SPATA31H1: variants seen among roughly 807,000 people sequenced by gnomAD.
SPATA31H1 encodes spermatogenesis-associated protein 31H1.
chr2:27,578,317 T>G, the SPATA31H1 span: 2 of 1,614,156 alleles, frequency 1.2e-6, no homozygotes, highest in Non-Finnish European at 1.7e-6. Flanking sequence ...ACAGTGGAGT[T>G]GACAGGGTTT....
the SPATA31H1 span, among the ~76,000 whole-genome samples, chr2:27,553,464 T>G: frequency 6.6e-6 from 1 of 152,102 alleles, no homozygotes; most frequent in Admixed American, 6.5e-5. Flanking sequence ...ACACCTTTAG[T>G]GTTCTCTTTG....
chr2:27,538,533 G>A, the SPATA31H1 span, among the ~76,000 whole-genome samples: 5 of 152,036 alleles, frequency 3.3e-5, no homozygotes, highest in Admixed American at 2.6e-4. Flanking sequence ...AGAGTGGCAC[G>A]GTGAAAAAGA....
the SPATA31H1 span, among the ~76,000 whole-genome samples, chr2:27,556,725 T>A: frequency 8.2e-5 from 12 of 146,492 alleles, no homozygotes; most frequent in Admixed American, 2.7e-4. Context: ...ATTTTTTTTT[T>A]ATTGATCATT....
At chr2:27,569,261 T>A in the SPATA31H1 span, 2 of 398,952 alleles carry the variant, frequency 5.0e-6, no homozygotes, top group Non-Finnish European at 8.8e-6. Flanking sequence ...CACAGCCCCA[T>A]GATATGAAGT....
chr2:27,564,502 G>A, the SPATA31H1 span, among the ~76,000 whole-genome samples: 15 of 151,904 alleles, frequency 9.9e-5, no homozygotes, highest in East Asian at 1.9e-3. Context: ...ACTCTTTTTC[G>A]AGGAACTTAA....
chr2:27,576,961 C>A, the SPATA31H1 span: 1 of 1,614,014 alleles, frequency 6.2e-7, no homozygotes, highest in Non-Finnish European at 8.5e-7. Context: ...CATCAGTTTG[C>A]AAAATATGCA....
chr2:27,539,111 T>C, the SPATA31H1 span, among the ~76,000 whole-genome samples: 611 of 138,836 alleles, frequency 4.4e-3, 3 homozygotes, highest in African/African-American at 0.014. Context: ...CTTTTTTTTT[T>C]TTTTTTTTTT....
At chr2:27,582,489 A>G in the SPATA31H1 span, 12 of 1,611,968 alleles carry the variant, frequency 7.4e-6, no homozygotes, top group East Asian at 2.0e-4. Context: ...TAAAAATCCC[A>G]AAGCAGGGCA....
the SPATA31H1 span, among the ~76,000 whole-genome samples, chr2:27,545,028 T>TAA: frequency 2.4e-4 from 36 of 149,894 alleles, 2 homozygotes; most frequent in African/African-American, 8.4e-4. Flanking sequence ...AAGTCAAATT[T>TAA]TTTTTTTTTT....
At chr2:27,576,951 C>T in the SPATA31H1 span, 1 of 1,613,932 alleles carries the variant, frequency 6.2e-7, no homozygotes, top group Non-Finnish European at 8.5e-7. Context: ...TAGACCAGGG[C>T]ATCAGTTTGC....
the SPATA31H1 span, chr2:27,579,760 C>G: frequency 6.2e-7 from 1 of 1,614,182 alleles, no homozygotes. Context: ...ATTTCTGAGT[C>G]CCAACACTCC....
At chr2:27,570,086 C>A in the SPATA31H1 span, 1 of 398,740 alleles carries the variant, frequency 2.5e-6, no homozygotes, top group African/African-American at 2.1e-5. Context: ...TGGAACTAAG[C>A]CCAGGACTAT....
At chr2:27,555,389 G>GTTT in the SPATA31H1 span, among the ~76,000 whole-genome samples, 2 of 151,862 alleles carry the variant, frequency 1.3e-5, no homozygotes, top group Non-Finnish European at 2.9e-5. Flanking sequence ...AAAAGTCTAA[G>GTTT]AGCCATGTGC....
the SPATA31H1 span, among the ~76,000 whole-genome samples, chr2:27,550,143 T>C: frequency 1.3e-5 from 2 of 152,002 alleles, no homozygotes; most frequent in Non-Finnish European, 2.9e-5. Flanking sequence ...TTCTGATTCT[T>C]ATACCTTTTC....
chr2:27,580,100 C>T, the SPATA31H1 span: 1 of 1,613,950 alleles, frequency 6.2e-7, no homozygotes, highest in African/African-American at 1.3e-5. Flanking sequence ...GGAAAAGATC[C>T]CAAATCTCAA....
chr2:27,577,451 GACCCC>G, the SPATA31H1 span: 12 of 1,613,904 alleles, frequency 7.4e-6, no homozygotes, highest in Non-Finnish European at 1.0e-5. The surrounding 1 kb of genome is among the most constrained non-coding windows in gnomAD (Gnocchi z 4.5). Context: ...TCTTTGGAAT[GACCCC>G]AAAGCCAACA....
At chr2:27,581,076 A>T in the SPATA31H1 span, 47 of 1,613,774 alleles carry the variant, frequency 2.9e-5, 1 homozygote, top group South Asian at 4.9e-4. Context: ...GGAGTCTAAG[A>T]ACTTGTCCAC....
chr2:27,567,970 G>A, the SPATA31H1 span: 1 of 398,986 alleles, frequency 2.5e-6, no homozygotes, highest in African/African-American at 2.1e-5. Flanking sequence ...GAAACAGTGA[G>A]CATAACCCCC....
the SPATA31H1 span, chr2:27,566,414 T>G: frequency 1.4e-6 from 1 of 715,812 alleles, no homozygotes; most frequent in African/African-American, 1.8e-5. Flanking sequence ...GGGTGGGGAT[T>G]GAAGGTGGTA....
Sources: gnomAD v4.1 joint callset for allele counts (sites outside exome capture counted in the v4.1 genomes callset) on GRCh38, gnomAD v4.1.1 for gene constraint, Gnocchi (gnomAD v3.1) non-coding constraint, MANE v1.5 for transcripts, NCBI Gene and HGNC (gene_info 2026-07-23, HGNC 2026-07-21) for gene names.